The following AFAP1 variants were observed in gnomAD, a reference collection of about 807,000 sequenced individuals.
AFAP1 encodes the protein actin filament associated protein 1.
Under a neutral mutation model 93.9 loss-of-function variants are expected in AFAP1, and 75 were observed. The observed-to-expected ratio is 0.80, with a 90% CI of 0.66 to 0.97. The LOEUF is 0.97. AFAP1 is among the 50% of genes least tolerant of loss of function. The pLI is 0.00. For missense variants in AFAP1, 1,201 were observed against 1,050.8 expected, an observed-to-expected ratio of 1.14 and a Z score of -1.98; for synonymous variants, 517 against 430.7, an observed-to-expected ratio of 1.20 and a Z score of -2.48.
At chr4:7,784,592 G>T (rs1226136916) in intron 12 of AFAP1, among the ~76,000 whole-genome samples, 1 of 152,166 alleles carries the variant, frequency 6.6e-6, no homozygotes, top group Non-Finnish European at 1.5e-5. Context: ...TCAGGTGGGG[G>T]CCTCGCACAG....
At chr4:7,868,931 G>T (rs2149176679) in intron 2 of AFAP1, among the ~76,000 whole-genome samples, 1 of 126,658 alleles carries the variant, frequency 7.9e-6, no homozygotes, top group East Asian at 2.2e-4. Context: ...GAAAAGAAAA[G>T]AGAAAGAGAA....
At chr4:7,845,983 G>A (rs1251345862) in intron 4 of AFAP1, among the ~76,000 whole-genome samples, 1 of 152,196 alleles carries the variant, frequency 6.6e-6, no homozygotes, top group Non-Finnish European at 1.5e-5. Flanking sequence ...AGACAGCACA[G>A]AAGATGTCAC....
chr4:7,923,373 T>C (rs1425574732), intron 1 of AFAP1, among the ~76,000 whole-genome samples: 2 of 152,226 alleles, frequency 1.3e-5, no homozygotes, highest in Admixed American at 6.5e-5. Flanking sequence ...AAGTCCAAGA[T>C]CAAGGTGTCG....
Position 7,779,004 on chromosome 4 carries a change from A to G in AFAP1, c.1783-128T>C, listed in dbSNP as rs1469645958. 1.3e-5 allele frequency: 9 copies of G among 712,868 alleles called. No homozygotes were observed. In the African/African-American group the frequency reaches 1.4e-4, roughly 11 times the overall value. 44.2% of individuals were successfully genotyped at this position (712,868 alleles called of 1,614,324 possible). On this transcript the variant is annotated intron_variant, in intron 13 of 17. Transcript: ENST00000420658. ...TAGAAACTGGCATAGATGGAGGAAA[A>G]ATCGAAAGTGAAAGAAAACCAAGAT...
chr4:7,932,729 T>A (rs1259098018), intron 1 of AFAP1, among the ~76,000 whole-genome samples: 1 of 152,132 alleles, frequency 6.6e-6, no homozygotes, highest in Non-Finnish European at 1.5e-5. Flanking sequence ...AGATTTTCCA[T>A]TTAAGAAGGA....
intron 3 of AFAP1, among the ~76,000 whole-genome samples, chr4:7,863,975 A>AACTTCCCATCACAACACC (rs1716066068): frequency 7.5e-4 from 14 of 18,560 alleles, no homozygotes; most frequent in Non-Finnish European, 9.4e-4. Context: ...ATCACAACCC[A>AACTTCCCATCACAACACC]TTCCCAACTT....
intron 17 of AFAP1, 133 bp from the exon 18 acceptor site, chr4:7,763,924 C>A: frequency 4.9e-6 from 4 of 824,382 alleles, no homozygotes; most frequent in South Asian, 1.5e-5. Context: ...AATCAATGAC[C>A]AATGACCCGG....
intron 4 of AFAP1, among the ~76,000 whole-genome samples, chr4:7,848,630 T>A (rs931609056): frequency 2.0e-5 from 3 of 152,172 alleles, no homozygotes; most frequent in African/African-American, 7.2e-5. Context: ...TGGTACTGCC[T>A]ACACTGAGGG....
chr4:7,786,939 C>G (rs895091106), intron 11 of AFAP1, among the ~76,000 whole-genome samples: 5 of 152,262 alleles, frequency 3.3e-5, no homozygotes, highest in Admixed American at 1.3e-4. Context: ...AGCACCACTG[C>G]CACCCCACAT....
rs1197082777 is a variant in AFAP1 at position 7,763,766 on chromosome 4, T to C, written c.2444A>G (p.Ter815TrpextTer22). The C allele has an allele frequency of 3.9e-6, 6 of 1,551,664 alleles. No individual in the cohort carries two copies. Among genetic ancestry groups the C allele is most frequent in the Non-Finnish European group, 5.2e-6 (6 of 1,146,952 alleles). ...AGGCTGGAGTGGTGCTGCTGTCCCC[T>C]AGGTCCCGTTCTTCAATTCCCATTC... Reference protein sequence around the residue: ...AKEWELKNGT* With the variant: ...AKEWELKNGTW Residue 815 changes from the stop codon to tryptophan (W), a stop_lost, in exon 18 of 18, where the codon TAG becomes TGG. Transcript: ENST00000420658.
rs1721607962 is a variant in AFAP1 at position 7,939,508 on chromosome 4, G to C, written c.-3+148C>G. 3.0e-6 allele frequency: 1 copy of C among 333,814 alleles called. No individual in the cohort carries two copies. The highest frequency in any genetic ancestry group is 2.3e-5 in the African/African-American group (1 of 43,460). The allele number at this position is 333,814 out of a possible 1,614,324, so 20.7% of individuals were successfully genotyped here. A position where few individuals can be genotyped will look rare whatever the true frequency, so the allele number is the denominator to read the frequency against. ...CGCGGGCCCACGCGGCGTCGCAGCA[G>C]GCGCGGAGCCCCCGGTACCACCCGA... On this transcript the variant is annotated intron_variant, in intron 1 of 17. Coordinates refer to ENST00000420658, the MANE Select transcript of AFAP1 (RefSeq NM_001134647.2). The surrounding 1 kb of genome is among the most constrained non-coding windows in gnomAD (Gnocchi z 5.6).
At chr4:7,823,776 C>T (rs908808309) in intron 6 of AFAP1, among the ~76,000 whole-genome samples, 1 of 152,184 alleles carries the variant, frequency 6.6e-6, no homozygotes, top group South Asian at 2.1e-4. Context: ...ACTCACATTG[C>T]CCCAGGAAAA....
At chr4:7,776,072 G>A (rs1716082206) in intron 14 of AFAP1, 1 of 152,114 alleles carries the variant, frequency 6.6e-6, no homozygotes, top group African/African-American at 2.4e-5. Context: ...AACAAAACTC[G>A]GATGGAGGAT....
chr4:7,893,438 A>G (rs1005319467), intron 1 of AFAP1, among the ~76,000 whole-genome samples: 40 of 152,064 alleles, frequency 2.6e-4, no homozygotes, highest in African/African-American at 8.7e-4. Flanking sequence ...AAAATTAGCC[A>G]GGCGTGGTGG....
chr4:7,903,669 A>C (rs972386667), intron 1 of AFAP1, among the ~76,000 whole-genome samples: 1 of 152,206 alleles, frequency 6.6e-6, no homozygotes, highest in Non-Finnish European at 1.5e-5. Flanking sequence ...ACACAGCAAG[A>C]CTGTGTCTCA....
chr4:7,933,343 G>T (rs185017497), intron 1 of AFAP1, among the ~76,000 whole-genome samples: 1,607 of 152,266 alleles, frequency 0.011, 30 homozygotes, highest in African/African-American at 0.037. Flanking sequence ...GGGAGGCCAA[G>T]TTGGGCCGAT....
chr4:7,841,389 G>C (rs933576876), intron 5 of AFAP1, among the ~76,000 whole-genome samples: 1 of 152,246 alleles, frequency 6.6e-6, no homozygotes, highest in African/African-American at 2.4e-5. Context: ...CCCGAGGTGG[G>C]CTCACCAGCC....
At chr4:7,929,642 C>A (rs989476791) in intron 1 of AFAP1, among the ~76,000 whole-genome samples, 1 of 152,238 alleles carries the variant, frequency 6.6e-6, no homozygotes, top group African/African-American at 2.4e-5. Flanking sequence ...TGGAGCCACA[C>A]TGTCCCAGCC....
At position 7,870,631 on chromosome 4, in the gene AFAP1, T is replaced by C. The variant is rs1716940151; in HGVS notation, c.127+1321A>G. Among the ~76,000 whole-genome samples the C allele has an allele frequency of 2.0e-5, 3 of 152,108 alleles. No homozygotes were observed. In the South Asian group the frequency reaches 6.2e-4, roughly 32 times the overall value. On this transcript the variant is annotated intron_variant, in intron 2 of 17. Coordinates refer to ENST00000420658, the MANE Select transcript of AFAP1 (RefSeq NM_001134647.2). Reference sequence around the variant, plus strand: ...GTGATCACACCACTGCACTCCAGCCTGTGTGACACAGTGAGACCCTGTCTC... The same window carrying C: ...GTGATCACACCACTGCACTCCAGCCCGTGTGACACAGTGAGACCCTGTCTC...
Sources: gnomAD v4.1 joint callset for allele counts (sites outside exome capture counted in the v4.1 genomes callset) on GRCh38, gnomAD v4.1.1 for gene constraint, Gnocchi (gnomAD v3.1) non-coding constraint, MANE v1.5 for transcripts, NCBI Gene and HGNC (gene_info 2026-07-23, HGNC 2026-07-21) for gene names.